The following SLC25A46 variants were observed in gnomAD, a reference collection of about 807,000 sequenced individuals.
The protein encoded by SLC25A46 is mitochondrial outer membrane protein SLC25A46.
SLC25A46 carries 39 observed loss-of-function variants against 44.6 expected under a neutral mutation model. The ratio of observed to expected loss-of-function variants is 0.87; its 90% confidence interval spans 0.68 to 1.14. SLC25A46 has a LOEUF of 1.14. Ranked by LOEUF, SLC25A46 falls within the 50% of genes most tolerant of loss-of-function variation. The pLI is 0.00. For missense variants in SLC25A46, 547 were observed against 522.7 expected (o/e 1.05, Z -0.45); for synonymous variants, 202 against 185.8 (o/e 1.09, Z -0.71).
intron 5 of SLC25A46, among the ~76,000 whole-genome samples, chr5:110,751,680 A>C (rs1479786689): frequency 6.6e-6 from 1 of 152,340 alleles, no homozygotes; most frequent in East Asian, 1.9e-4. Flanking sequence ...TTAGTATTCT[A>C]TTACAATAAT....
intron 7 of SLC25A46, among the ~76,000 whole-genome samples, chr5:110,760,362 A>T (rs1800218646): frequency 6.6e-6 from 1 of 152,062 alleles, no homozygotes; most frequent in Non-Finnish European, 1.5e-5. Context: ...TGGTTTCTCA[A>T]CTGATCTTGT....
At chr5:110,742,893 G>A (rs182238807) in intron 2 of SLC25A46, among the ~76,000 whole-genome samples, 1 of 151,906 alleles carries the variant, frequency 6.6e-6, no homozygotes, top group East Asian at 1.9e-4. Context: ...CAAAAATATT[G>A]GAATTGCACA....
chr5:110,738,951 G>A, upstream of SLC25A46: 1 of 1,439,216 alleles, frequency 6.9e-7, no homozygotes, highest in Non-Finnish European at 9.1e-7. Flanking sequence ...TGCCGGAAGA[G>A]GCTATAATCA....
intron 7 of SLC25A46, among the ~76,000 whole-genome samples, chr5:110,760,188 C>CT (rs1326034827): frequency 6.6e-6 from 1 of 152,142 alleles, no homozygotes; most frequent in African/African-American, 2.4e-5. Flanking sequence ...TGGGGTTATC[C>CT]TTGACCCTTC....
In SLC25A46 at chr5:110,739,133, G is replaced by C. The variant is rs1272997827; in HGVS notation, c.14G>C (p.Arg5Pro). Reference sequence around the variant, plus strand: ...GCCCCCGCTGCGATGCATCCGCGGCGCCCGGACGGATTTGATGGCTTGGGC... The same window carrying C: ...GCCCCCGCTGCGATGCATCCGCGGCCCCCGGACGGATTTGATGGCTTGGGC... MHPRRPDGFDGLGYR... is the reference protein window; with the variant it reads MHPRPPDGFDGLGYR... Residue 5 changes from arginine to proline, a missense_variant, in exon 1 of 8, where the codon CGC becomes CCC. Transcript: ENST00000355943. The C allele has an allele frequency of 1.3e-6, 2 of 1,547,948 alleles. No individual in the cohort carries two copies. Among genetic ancestry groups the C allele is most frequent in the Non-Finnish European group, 1.7e-6 (2 of 1,146,688 alleles).
Position 110,763,597 on chromosome 5 carries a change from T to C in SLC25A46, c.*1815T>C, listed in dbSNP as rs184209864. On this transcript the variant is annotated 3_prime_UTR_variant, in exon 8 of 8. Transcript: ENST00000355943. Reference sequence around the variant, plus strand: ...ACCAGAAAATTTCAAGTTTGAAAAATTTCTAGAAAAGAATCTGAATAGAAT... The same window carrying C: ...ACCAGAAAATTTCAAGTTTGAAAAACTTCTAGAAAAGAATCTGAATAGAAT... 1.0e-3 allele frequency: 157 copies of C among 151,962 alleles called. 1 individual carries two copies. Among genetic ancestry groups the C allele is most frequent in the African/African-American group, 3.6e-3 (151 of 41,518 alleles). 9.4% of individuals were successfully genotyped at this position (151,962 alleles called of 1,614,324 possible). A position where few individuals can be genotyped will look rare whatever the true frequency, so the allele number is the denominator to read the frequency against.
intron 5 of SLC25A46, among the ~76,000 whole-genome samples, chr5:110,751,951 T>C (rs1480316795): frequency 6.6e-6 from 1 of 152,164 alleles, no homozygotes; most frequent in Admixed American, 6.6e-5. Context: ...AGATTTGACC[T>C]TTCCTATTAA....
upstream of SLC25A46, chr5:110,738,313 A>G (rs940497392): frequency 6.7e-6 from 8 of 1,195,050 alleles, no homozygotes; most frequent in Admixed American, 2.0e-4. Flanking sequence ...TTTGAACGAT[A>G]TAACTGGGAT....
chr5:110,751,204 A>G (rs1237901936), intron 5 of SLC25A46, among the ~76,000 whole-genome samples: 2 of 152,202 alleles, frequency 1.3e-5, no homozygotes, highest in African/African-American at 4.8e-5. Flanking sequence ...GAAAATAAAC[A>G]AAAGGTAACT....
intron 5 of SLC25A46, among the ~76,000 whole-genome samples, chr5:110,749,856 T>C (rs2150412098): frequency 1.3e-5 from 2 of 152,240 alleles, no homozygotes; most frequent in Middle Eastern, 3.4e-3. Context: ...TAGGTAATAT[T>C]GGAAATTAGA....
chr5:110,750,079 C>G (rs564379807), intron 5 of SLC25A46, among the ~76,000 whole-genome samples: 192 of 152,102 alleles, frequency 1.3e-3, no homozygotes, highest in African/African-American at 4.5e-3. Context: ...GGGATTTAGT[C>G]CTTACAGGGA....
chr5:110,760,113 C>G (rs1019091505), intron 7 of SLC25A46, among the ~76,000 whole-genome samples: 35 of 152,138 alleles, frequency 2.3e-4, no homozygotes, highest in Non-Finnish European at 5.1e-4. Flanking sequence ...CAAATTGCTA[C>G]TCTGGCAATT....
chr5:110,746,415 C>A, intron 4 of SLC25A46, 69 bp downstream of exon 4: 3 of 1,039,816 alleles, frequency 2.9e-6, no homozygotes, highest in Non-Finnish European at 2.8e-6. Context: ...ATCATTAAAG[C>A]AAGAATAATT....
At position 110,761,779 on chromosome 5, in the gene SLC25A46, T is replaced by C. The variant is rs1299096470; in HGVS notation, c.1254T>C (p.Ile418=). 1.9e-6 allele frequency: 3 copies of C among 1,605,078 alleles called. No individual in the cohort carries two copies. Among genetic ancestry groups the C allele is most frequent in the Non-Finnish European group, 2.6e-6 (3 of 1,176,380 alleles). Residue 418 remains isoleucine, a synonymous_variant, in exon 8 of 8, where the codon ATT becomes ATC. Coordinates refer to ENST00000355943, the MANE Select transcript of SLC25A46 (RefSeq NM_138773.4). This position sits in a 1 kb window ranked among gnomAD's most constrained non-coding sequence, Gnocchi z 5.3. ...ACTCTACACTTCTTCAAAATAACAT[T>C]TGAGATTTAGGTTCCTTCACTGAGT... is the stretch of plus-strand genomic sequence containing the variant. ...IIYSTLLQNN[I] is the part of the protein sequence containing the mutation.
intron 6 of SLC25A46, among the ~76,000 whole-genome samples, chr5:110,756,410 G>A (rs1800115114): frequency 6.6e-6 from 1 of 151,978 alleles, no homozygotes; most frequent in African/African-American, 2.4e-5. Context: ...TCAATTTTAA[G>A]TTTTAGATTT....
At chr5:110,746,376 G>T (rs1180548982) in intron 4 of SLC25A46, 30 bp downstream of exon 4, 3 of 1,427,380 alleles carry the variant, frequency 2.1e-6, no homozygotes, top group South Asian at 2.5e-5. Flanking sequence ...TCTATTAAAG[G>T]TTTATATAAG....
At chr5:110,748,285 CA>C (rs1300201831) in intron 5 of SLC25A46, 22 bp downstream of exon 5, 45 of 1,586,272 alleles carry the variant, frequency 2.8e-5, no homozygotes, top group Non-Finnish European at 3.8e-5. Flanking sequence ...AGCATTTCTT[CA>C]GTATTAGTTT....
Position 110,761,093 on chromosome 5 carries a change from T to A in SLC25A46, c.679-111T>A. 2 of 791,732 alleles carry A rather than the reference T, an allele frequency of 2.5e-6. No homozygotes were observed. The highest frequency in any genetic ancestry group is 4.1e-6 in the Non-Finnish European group (2 of 493,790). The allele number at this position is 791,732 out of a possible 1,614,324, so 49.0% of individuals were successfully genotyped here. On this transcript the variant is annotated intron_variant, in intron 7 of 7. Coordinates refer to ENST00000355943, the MANE Select transcript of SLC25A46 (RefSeq NM_138773.4). This position sits in a 1 kb window ranked among gnomAD's most constrained non-coding sequence, Gnocchi z 5.3. ...GTTAAAGTCTGCAAATCATGGATGT[T>A]TCCCTCTTCAGTCACTATGTTAGGA...
chr5:110,749,948 A>T (rs1799919186), intron 5 of SLC25A46, among the ~76,000 whole-genome samples: 1 of 152,130 alleles, frequency 6.6e-6, no homozygotes, highest in African/African-American at 2.4e-5. Context: ...CGATAATGTT[A>T]AAGGCTTTGG....
Sources: gnomAD v4.1 joint callset for allele counts (sites outside exome capture counted in the v4.1 genomes callset) on GRCh38, gnomAD v4.1.1 for gene constraint, Gnocchi (gnomAD v3.1) non-coding constraint, MANE v1.5 for transcripts, NCBI Gene and HGNC (gene_info 2026-07-23, HGNC 2026-07-21) for gene names.